SLC25A39: variants seen among roughly 807,000 people sequenced by gnomAD.
SLC25A39 encodes solute carrier family 25 member 39, also known as mitochondrial glutathione transporter SLC25A39.
A neutral mutation model predicts 46.6 loss-of-function variants in SLC25A39; 44 were observed. That is an observed-to-expected ratio of 0.94 (90% CI 0.74 to 1.21). The LOEUF is 1.21. Among genes scored for constraint, SLC25A39 ranks in the 50% most tolerant of loss-of-function variants. The pLI is 0.00. For missense variants in SLC25A39, 487 were observed against 473.0 expected (o/e 1.03, Z -0.28); for synonymous variants, 218 against 190.6 (o/e 1.14, Z -1.19).
At chr17:44,323,423 A>G (rs2048119353) in intron 2 of SLC25A39, 55 bp downstream of exon 2, 3 of 1,548,774 alleles carry the variant, frequency 1.9e-6, no homozygotes, top group Admixed American at 3.9e-5. Flanking sequence ...ACAGCCTCCA[A>G]TCTCCGGTCT....
chr17:44,319,834 G>A lies in SLC25A39; in HGVS notation c.*167C>T. 1 of 613,784 alleles carries A rather than the reference G, an allele frequency of 1.6e-6. No homozygotes were observed. The highest frequency in any genetic ancestry group is 2.0e-5 in the South Asian group (1 of 51,214). 38.0% of individuals were successfully genotyped at this position (613,784 alleles called of 1,614,324 possible). On this transcript the variant is annotated 3_prime_UTR_variant, in exon 12 of 12. Coordinates refer to ENST00000377095, the MANE Select transcript of SLC25A39 (RefSeq NM_001143780.3). ...AGCAGCAGGAAGAAGTTGTGTCTGA[G>A]GAAGTGCTGGGCCGCCCAGAGGGAC...
chr17:44,322,778 C>G, intron 4 of SLC25A39, 30 bp downstream of exon 4: 2 of 1,613,924 alleles, frequency 1.2e-6, no homozygotes, highest in East Asian at 4.5e-5. Flanking sequence ...CTTGCACCCT[C>G]CCATGCTCCC....
At chr17:44,320,821 G>C in intron 8 of SLC25A39, 90 bp from the exon 9 acceptor site, 1 of 1,109,592 alleles carries the variant, frequency 9.0e-7, no homozygotes, top group South Asian at 1.4e-5. Context: ...CTCCCTCCCA[G>C]CTGTGAGTCT....
In SLC25A39 at chr17:44,323,490, TAAC is replaced by T; in HGVS notation, c.70_72del (p.Val24del). On this transcript the variant is annotated inframe_deletion, in exon 2 of 12. Transcript: ENST00000377095. ...CCCTAGGTCTTACTGAAGAGAGAGG[TAAC>T]CACAGCCCCGGTGCCTGAGGCCACC... The T allele has an allele frequency of 7.3e-7, 1 of 1,378,356 alleles. No homozygotes were observed. Among genetic ancestry groups the T allele is most frequent in the Non-Finnish European group, 9.5e-7 (1 of 1,051,824 alleles). The allele number at this position is 1,378,356 out of a possible 1,614,324, so 85.4% of individuals were successfully genotyped here. A position where few individuals can be genotyped will look rare whatever the true frequency, so the allele number is the denominator to read the frequency against.
intron 3 of SLC25A39, 110 bp from the exon 4 acceptor site, chr17:44,322,962 G>T: frequency 1.7e-6 from 2 of 1,195,652 alleles, no homozygotes; most frequent in African/African-American, 1.5e-5. Context: ...TTGCTCTGTC[G>T]CCCACCCTGG....
At chr17:44,322,967 C>A in intron 3 of SLC25A39, 115 bp from the exon 4 acceptor site, 1 of 1,150,320 alleles carries the variant, frequency 8.7e-7, no homozygotes, top group Middle Eastern at 2.8e-4. Context: ...CTGTCGCCCA[C>A]CCTGGAGCAT....
intron 3 of SLC25A39, 147 bp downstream of exon 3, chr17:44,323,137 G>A (rs1225088144): frequency 2.0e-6 from 2 of 1,004,272 alleles, no homozygotes; most frequent in Non-Finnish European, 1.5e-6. Flanking sequence ...TGGCCAGGCT[G>A]GCCTTGAACT....
rs2143181409 is a variant in SLC25A39, at chr17:44,323,220, G to A, written c.145+64C>T. On this transcript the variant is annotated intron_variant, in intron 3 of 11. Coordinates refer to ENST00000377095, the MANE Select transcript of SLC25A39 (RefSeq NM_001143780.3). ...TTACAGGTATGAGAAACCACGGCCA[G>A]CCTCTGGGAGATCTTTCTTTTGCCC... 4.4e-6 allele frequency: 7 copies of A among 1,590,040 alleles called. No individual in the cohort carries two copies. In the East Asian group the frequency reaches 1.1e-4, roughly 25 times the overall value.
chr17:44,322,407 G>A lies in SLC25A39; in HGVS notation c.324+12C>T. The A allele has an allele frequency of 6.2e-7, 1 of 1,614,018 alleles. No homozygotes were observed. Among genetic ancestry groups the A allele is most frequent in the East Asian group, 2.2e-5 (1 of 44,886 alleles). On this transcript the variant is annotated intron_variant, in intron 5 of 11. Transcript: ENST00000377095. The stretch of plus-strand genomic sequence containing the variant: ...ACACCGACGAATCCCTACGGACCCA[G>A]CTGCTCCTCACCATGGTGCCAGTGA...
rs1319445466 is a variant in SLC25A39 at position 44,320,104 on chromosome 17, C to T, written c.977G>A (p.Arg326Gln). The change falls in exon 12 of 12, where the codon CGG (arginine) becomes CAG (glutamine). Residue 326 changes from arginine (R) to glutamine (Q), a missense_variant. By Grantham distance (43) the Arg-to-Gln change is conservative. Transcript: ENST00000377095. ...ACAGGAGGGGGCAGCCTTGATGATC[C>T]GAGGAAGGAAGCCTGCAGTGGAAAG... Reference protein sequence around the residue: ...TKGLFAGFLPRIIKAAPSCAI... With the variant: ...TKGLFAGFLPQIIKAAPSCAI... The T allele has an allele frequency of 1.9e-6, 3 of 1,614,004 alleles. No homozygotes were observed. Among genetic ancestry groups the T allele is most frequent in the Non-Finnish European group, 2.5e-6 (3 of 1,180,004 alleles).
chr17:44,322,661 T>G (rs570886102), intron 4 of SLC25A39, 109 bp from the exon 5 acceptor site: 2 of 1,559,962 alleles, frequency 1.3e-6, no homozygotes, highest in South Asian at 2.3e-5. Context: ...TGTGTGGATG[T>G]TCTGGTGCAG....
chr17:44,320,286 C>T lies in SLC25A39; in HGVS notation c.884-10G>A, dbSNP rs373437405. 13 of 1,613,528 alleles carry T rather than the reference C, an allele frequency of 8.1e-6. No individual in the cohort carries two copies. The highest frequency in any genetic ancestry group is 4.4e-5 in the South Asian group (4 of 91,094). ...ACATGCAGGGGGTTCACTGCAAACG[C>T]GAGGCCGGCTCAGTGAGACCCCATT... On this transcript the variant is annotated splice_polypyrimidine_tract_variant and intron_variant, in intron 10 of 11. Coordinates refer to ENST00000377095, the MANE Select transcript of SLC25A39 (RefSeq NM_001143780.3).
At position 44,319,815 on chromosome 17, in the gene SLC25A39, A is replaced by C; in HGVS notation, c.*186T>G. 1.7e-6 allele frequency: 1 copy of C among 587,510 alleles called. No homozygotes were observed. The highest frequency in any genetic ancestry group is 3.0e-5 in the Admixed American group (1 of 33,444). 36.4% of individuals were successfully genotyped at this position (587,510 alleles called of 1,614,324 possible). A position where few individuals can be genotyped will look rare whatever the true frequency, so the allele number is the denominator to read the frequency against. On this transcript the variant is annotated 3_prime_UTR_variant, in exon 12 of 12. Coordinates refer to ENST00000377095, the MANE Select transcript of SLC25A39 (RefSeq NM_001143780.3). ...TGATGATCCCCACGACTGGAGCAGC[A>C]GGAAGAAGTTGTGTCTGAGGAAGTG...
rs751725176 is a variant in SLC25A39 at position 44,321,551 on chromosome 17, T to C, written c.400A>G (p.Thr134Ala). The C allele has an allele frequency of 6.2e-7, 1 of 1,613,954 alleles. No homozygotes were observed. The highest frequency in any genetic ancestry group is 1.1e-5 in the South Asian group (1 of 91,080). ...WSGLPATLVM[T>A]VPATAIYFTA... ...AAGTAGATGGCGGTAGCTGGCACAG[T>C]CATCACCCTGGGGATACAGAGAGAG... The change falls in exon 7 of 12, where the codon ACT becomes GCT. Residue 134 changes from threonine to alanine, a missense_variant. By Grantham distance (58) the Thr-to-Ala change is moderately conservative (BLOSUM62 0). Coordinates refer to ENST00000377095, the MANE Select transcript of SLC25A39 (RefSeq NM_001143780.3).
intron 8 of SLC25A39, 163 bp from the exon 9 acceptor site, chr17:44,320,894 G>A: frequency 2.0e-6 from 2 of 1,000,930 alleles, no homozygotes; most frequent in East Asian, 2.6e-5. Context: ...GACCGCCTGG[G>A]CAAATACTCT....
intron 8 of SLC25A39, 27 bp downstream of exon 8, chr17:44,321,031 C>T (rs1475226707): frequency 1.3e-6 from 2 of 1,560,526 alleles, no homozygotes; most frequent in African/African-American, 2.7e-5. Flanking sequence ...GGTTCCCTCA[C>T]CCACCCCCTG....
At chr17:44,320,965 TG>T in intron 8 of SLC25A39, 92 bp downstream of exon 8, 1 of 1,401,726 alleles carries the variant, frequency 7.1e-7, no homozygotes, top group Non-Finnish European at 9.5e-7. Flanking sequence ...AGTAACTTCA[TG>T]GTCACTAGTC....
At chr17:44,321,672 G>A (rs1023218666) in intron 6 of SLC25A39, 28 bp downstream of exon 6, 1 of 1,609,024 alleles carries the variant, frequency 6.2e-7, no homozygotes, top group Non-Finnish European at 8.5e-7. Flanking sequence ...AGTACCAGAG[G>A]AGAGTGGTGC....
At chr17:44,322,957 C>A in intron 3 of SLC25A39, 105 bp from the exon 4 acceptor site, 1 of 1,245,014 alleles carries the variant, frequency 8.0e-7, no homozygotes, top group South Asian at 1.4e-5. Flanking sequence ...GAGTCTTGCT[C>A]TGTCGCCCAC....
Sources: gnomAD v4.1 joint callset for allele counts on GRCh38, gnomAD v4.1.1 for gene constraint, MANE v1.5 for transcripts, NCBI Gene and HGNC (gene_info 2026-07-23, HGNC 2026-07-21) for gene names.